The following PRPS1 variants were observed in gnomAD, a reference collection of about 807,000 sequenced individuals.
PRPS1 encodes ribose-phosphate pyrophosphokinase 1.
Under a neutral mutation model 16.9 loss-of-function variants are expected in PRPS1, and 1 was observed. The ratio of observed to expected loss-of-function variants is 0.06; its 90% CI spans 0.02 to 0.28. The LOEUF (loss-of-function observed/expected upper bound fraction) is 0.28. PRPS1 is among the 10% of genes least tolerant of loss of function. PRPS1 has a pLI of 1.00. For missense variants in PRPS1, 47 were observed against 254.0 expected (o/e 0.19, Z 5.54); for synonymous variants, 70 against 90.2 (o/e 0.78, Z 1.27).
chrX:107,637,950 A>ATATTTTT (rs1411479537), intron 1 of PRPS1, among the ~76,000 whole-genome samples: 2 of 98,363 alleles, frequency 2.0e-5, no homozygotes, highest in African/African-American at 7.6e-5. Flanking sequence ...ATATATATAT[A>ATATTTTT]TTTTTTTGAT....
intron 4 of PRPS1, among the ~76,000 whole-genome samples, chrX:107,644,285 C>T (rs1208514446): frequency 9.0e-6 from 1 of 111,578 alleles, no homozygotes; most frequent in African/African-American, 3.3e-5. Context: ...TTCTGTCTAG[C>T]AATTGTGAAA....
At chrX:107,643,095 GTTC>G (rs1052048762) in intron 4 of PRPS1, among the ~76,000 whole-genome samples, 1 of 112,433 alleles carries the variant, frequency 8.9e-6, no homozygotes, top group Admixed American at 9.5e-5. Flanking sequence ...TGTGACACAT[GTTC>G]TTCTTGTTGT....
rs1404588042 is a variant in PRPS1, at chrX:107,642,479, T to C, written c.519T>C (p.Gly173=). 8.3e-7 allele frequency: 1 copy of C among 1,211,528 alleles called. No individual in the cohort carries two copies. Among genetic ancestry groups the C allele is most frequent in the Non-Finnish European group, 1.1e-6 (1 of 895,395 alleles). ...GCACTATTGTCTCACCTGATGCTGG[T>C]GGAGCTAAGAGGTATGGTTGAAATT... The part of the protein sequence containing the change: ...RNCTIVSPDA[G]GAKRVTSIAD... Residue 173 remains glycine, a synonymous_variant, in exon 4 of 7, where the codon GGT becomes GGC. Transcript: ENST00000372435.
At chrX:107,641,244 T>C in intron 3 of PRPS1, 1 of 789,717 alleles carries the variant, frequency 1.3e-6, no homozygotes, top group Non-Finnish European at 1.8e-6. Context: ...TGGTATTTAC[T>C]AGCTTTGTAA....
intron 1 of PRPS1, 66 bp from the exon 2 acceptor site, chrX:107,639,229 G>C: frequency 4.4e-6 from 5 of 1,137,119 alleles, no homozygotes; most frequent in Non-Finnish European, 6.0e-6. Flanking sequence ...TGGAACCTAT[G>C]GATATGGAGG....
chrX:107,642,992 A>G, intron 4 of PRPS1, among the ~76,000 whole-genome samples: 1 of 112,416 alleles, frequency 8.9e-6, no homozygotes, highest in Non-Finnish European at 1.9e-5. Flanking sequence ...ATTGCCAGGG[A>G]TTGCCAGTTA....
chrX:107,649,899 A>G, intron 6 of PRPS1, 41 bp from the exon 7 acceptor site: 1 of 1,211,555 alleles, frequency 8.3e-7, no homozygotes, highest in Non-Finnish European at 1.1e-6. Context: ...GTCATCTCTG[A>G]CCATATGATA....
At chrX:107,633,421 CAA>C (rs1182721428) in intron 1 of PRPS1, among the ~76,000 whole-genome samples, 707 of 32,886 alleles carry the variant, frequency 0.021, 11 homozygotes, top group African/African-American at 0.061. Flanking sequence ...GACTCCATCT[CAA>C]AAAAAAAAAA....
intron 1 of PRPS1, among the ~76,000 whole-genome samples, chrX:107,630,738 A>AACACACACAC (rs111543861): frequency 6.6e-4 from 63 of 95,938 alleles, no homozygotes; most frequent in African/African-American, 2.3e-3. Context: ...TTATTTAGGA[A>AACACACACAC]ACACACACAC....
At chrX:107,640,203 G>A (rs376728633) in intron 2 of PRPS1, among the ~76,000 whole-genome samples, 2 of 112,260 alleles carry the variant, frequency 1.8e-5, no homozygotes, top group East Asian at 2.8e-4. Context: ...TTATCCAGGC[G>A]TGGCGCTGCG....
Position 107,647,618 on chromosome X carries a change from T to G in PRPS1, c.717T>G (p.Ala239=). 8.3e-7 allele frequency: 1 copy of G among 1,211,827 alleles called. No homozygotes were observed. The highest frequency in any genetic ancestry group is 1.8e-5 in the South Asian group (1 of 56,993). The change falls in exon 6 of 7, where the codon GCT becomes GCG. Residue 239 remains alanine, a synonymous_variant. Coordinates refer to ENST00000372435, the MANE Select transcript of PRPS1 (RefSeq NM_002764.4). ...ICHAADKLLS[A]GATRVYAILT... ...TTTTTCCCTCTAGACTTCTCTCAGCTGGCGCCACCAGAGTTTATGCCATCT... is the reference window on the plus strand; with the variant it reads ...TTTTTCCCTCTAGACTTCTCTCAGCGGGCGCCACCAGAGTTTATGCCATCT...
chrX:107,646,139 G>C (rs1422069165), intron 5 of PRPS1, among the ~76,000 whole-genome samples: 1 of 111,362 alleles, frequency 9.0e-6, no homozygotes, highest in Non-Finnish European at 1.9e-5. Flanking sequence ...GTCTCACTCT[G>C]TTACCCAGGC....
intron 1 of PRPS1, among the ~76,000 whole-genome samples, chrX:107,633,772 CA>C (rs1335305179): frequency 2.7e-5 from 3 of 109,780 alleles, no homozygotes; most frequent in Non-Finnish European, 5.7e-5. Context: ...ACTAAAAATA[CA>C]AAAATTAGCC....
In PRPS1 at chrX:107,648,617, T is replaced by C. The variant is rs975396701; in HGVS notation, c.864+852T>C. 2.7e-5 allele frequency among the ~76,000 whole-genome samples: 3 copies of C among 109,168 alleles called. No individual in the cohort carries two copies. The Admixed American group carries it at 2.9e-4, about 11-fold the overall frequency. 94.8% of individuals were successfully genotyped at this position (109,168 alleles called of 115,157 possible). A position where few individuals can be genotyped will look rare whatever the true frequency, so the allele number is the denominator to read the frequency against. ...GTGTAGAGACGGGGTCTCCCTATGT[T>C]GCCCAGGCTGGTCTCAAACTCCTAG... On this transcript the variant is annotated intron_variant, in intron 6 of 6. Transcript: ENST00000372435.
chrX:107,646,813 T>C (rs974562206), intron 5 of PRPS1, among the ~76,000 whole-genome samples: 1 of 112,470 alleles, frequency 8.9e-6, no homozygotes, highest in African/African-American at 3.2e-5. Flanking sequence ...GGAAGATTTT[T>C]GTTAAGTCCA....
intron 2 of PRPS1, among the ~76,000 whole-genome samples, chrX:107,640,168 C>T (rs1925539448): frequency 8.9e-6 from 1 of 112,078 alleles, no homozygotes; most frequent in Admixed American, 9.4e-5. Flanking sequence ...TGTGAAACTC[C>T]GTCTCTACTA....
intron 1 of PRPS1, among the ~76,000 whole-genome samples, chrX:107,635,235 C>G (rs1332987739): frequency 8.9e-6 from 1 of 112,127 alleles, no homozygotes; most frequent in Non-Finnish European, 1.9e-5. Flanking sequence ...TGTTCTCCAA[C>G]TTTTAATCAA....
At chrX:107,636,171 G>T (rs1000950589) in intron 1 of PRPS1, among the ~76,000 whole-genome samples, 3 of 110,989 alleles carry the variant, frequency 2.7e-5, no homozygotes, top group Non-Finnish European at 3.8e-5. Context: ...CACCCAGGCT[G>T]GAGTGCAGCG....
chrX:107,631,695 G>A (rs915380334), intron 1 of PRPS1, among the ~76,000 whole-genome samples: 3 of 111,552 alleles, frequency 2.7e-5, no homozygotes, highest in African/African-American at 9.8e-5. Flanking sequence ...ATTTATTTAT[G>A]TATTTATTTT....
Sources: allele counts gnomAD v4.1 joint callset (sites outside exome capture counted in the v4.1 genomes callset), GRCh38; gene constraint gnomAD v4.1.1; transcripts MANE v1.5; gene names NCBI Gene and HGNC (gene_info 2026-07-23, HGNC 2026-07-21).